Variants in ACLY observed in about 807,000 individuals in gnomAD.
ACLY encodes ATP-citrate synthase.
Under a neutral mutation model 133.0 loss-of-function variants are expected in ACLY, and 41 were observed. The observed-to-expected ratio is 0.31, with a 90% CI of 0.24 to 0.40. The LOEUF (loss-of-function observed/expected upper bound fraction) is 0.40, where lower values mean the gene tolerates loss of function less well. Ranked by LOEUF, ACLY falls within the 10% of genes least tolerant of loss-of-function variation. The pLI, the probability that ACLY is intolerant of heterozygous loss-of-function variation, is 1.00. For synonymous variants in ACLY, 495 were observed against 549.3 expected (o/e 0.90, Z 1.38); for missense variants, 1,046 against 1,453.8 (o/e 0.72, Z 4.56).
chr17:41,873,109 G>C (rs960839231), intron 23 of ACLY, among the ~76,000 whole-genome samples: 27 of 151,438 alleles, frequency 1.8e-4, no homozygotes, highest in Non-Finnish European at 3.5e-4. Flanking sequence ...GAGTTGCAGA[G>C]AAAACCAATT....
At chr17:41,922,370 CAAAAAAAAAAAA>C (rs1164362085), upstream of ACLY, among the ~76,000 whole-genome samples, 2 of 30,932 alleles carry the variant, frequency 6.5e-5, no homozygotes, top group African/African-American at 1.1e-4. Context: ...CAGAGCGAGA[CAAAAAAAAAAAA>C]AAAAAAAAAA....
In ACLY at chr17:41,885,059, G is replaced by C. The variant is rs8073046; in HGVS notation, c.2073-785C>G. On this transcript the variant is annotated intron_variant, in intron 18 of 28. Coordinates refer to ENST00000352035, the MANE Select transcript of ACLY (RefSeq NM_001096.3). The stretch of plus-strand genomic sequence containing the variant: ...TAATTTTTTTTTGGTAGAGATGGGG[G>C]TCTCTACCAAATTCGAGACTGTGTT... Among the ~76,000 whole-genome samples, 216 of 151,970 alleles carry C rather than the reference G, an allele frequency of 1.4e-3. 1 individual carries two copies. Among genetic ancestry groups the C allele is most frequent in the African/African-American group, 5.0e-3 (209 of 41,454 alleles).
intron 22 of ACLY, among the ~76,000 whole-genome samples, chr17:41,874,402 C>G (rs1327271162): frequency 6.6e-6 from 1 of 151,986 alleles, no homozygotes; most frequent in Admixed American, 6.6e-5. Flanking sequence ...CTCCCAGTAG[C>G]TGGGGCAACA....
Position 41,901,746 on chromosome 17 carries a change from C to T in ACLY, c.1133G>A (p.Arg378Gln), listed in dbSNP as rs1252881714. The T allele has an allele frequency of 6.2e-7, 1 of 1,610,210 alleles. No individual in the cohort carries two copies. ...LKEHEVTIFV[R>Q]RGGPNYQEGL... ...CTCCTGATAGTTGGGGCCACCTCTTCGGACAAAGATTGTGACTTCGTGCTC... is the reference window on the plus strand; with the variant it reads ...CTCCTGATAGTTGGGGCCACCTCTTTGGACAAAGATTGTGACTTCGTGCTC... Residue 378 changes from arginine (R) to glutamine (Q), a missense_variant, in exon 11 of 29, where the codon CGA (arginine) becomes CAA (glutamine). Transcript: ENST00000352035.
chr17:41,904,708 C>G (rs781927164), intron 10 of ACLY, 21 bp downstream of exon 10: 1 of 1,611,654 alleles, frequency 6.2e-7, no homozygotes, highest in Non-Finnish European at 8.5e-7. Context: ...CCAGAAACTG[C>G]ACCACTGTTG....
chr17:41,878,732 G>C, intron 21 of ACLY, 65 bp downstream of exon 21: 1 of 1,599,588 alleles, frequency 6.3e-7, no homozygotes, highest in Non-Finnish European at 8.5e-7. Flanking sequence ...TGTGGGAGAG[G>C]CTGCTGTCTC....
chr17:41,888,862 T>C (rs1253708914), intron 16 of ACLY, among the ~76,000 whole-genome samples: 6 of 152,170 alleles, frequency 3.9e-5, no homozygotes, highest in Non-Finnish European at 8.8e-5. Context: ...CTCACATCTA[T>C]AATCCCAGCA....
intron 4 of ACLY, among the ~76,000 whole-genome samples, 186 bp from the exon 5 acceptor site, chr17:41,909,886 A>T (rs112239422): frequency 5.5e-4 from 84 of 152,290 alleles, no homozygotes; most frequent in African/African-American, 1.9e-3. Context: ...CCCCGAGGAC[A>T]AGAGGAAGAA....
chr17:41,906,674 C>T lies in ACLY; in HGVS notation c.748-28G>A, dbSNP rs1555632750. 8 of 1,598,176 alleles carry T rather than the reference C, an allele frequency of 5.0e-6. No individual in the cohort carries two copies. The South Asian group carries it at 7.7e-5, about 15-fold the overall frequency. The stretch of plus-strand genomic sequence containing the variant: ...GGGGACCAGACAGCAACAGGTAGGC[C>T]CTTGGGGTACCCCCTTTACCAGGTC... On this transcript the variant is annotated intron_variant, in intron 7 of 28. Coordinates refer to ENST00000352035, the MANE Select transcript of ACLY (RefSeq NM_001096.3).
intron 20 of ACLY, 87 bp from the exon 21 acceptor site, chr17:41,879,011 G>C: frequency 6.5e-7 from 1 of 1,538,628 alleles, no homozygotes; most frequent in East Asian, 2.3e-5. Context: ...CACTTTACAT[G>C]AATCACTTCA....
At chr17:41,907,666 G>A in intron 6 of ACLY, 94 bp from the exon 7 acceptor site, 1 of 1,388,394 alleles carries the variant, frequency 7.2e-7, no homozygotes, top group Non-Finnish European at 1.0e-6. Flanking sequence ...TCCCATGGTG[G>A]CCCATTCAGG....
intron 25 of ACLY, among the ~76,000 whole-genome samples, chr17:41,870,119 C>T (rs1712761136): frequency 1.3e-5 from 2 of 152,248 alleles, no homozygotes; most frequent in South Asian, 4.1e-4. Flanking sequence ...TAGGGACATA[C>T]CAAATCGAAT....
intron 14 of ACLY, among the ~76,000 whole-genome samples, chr17:41,895,047 A>C (rs1390049317): frequency 2.0e-5 from 3 of 152,172 alleles, no homozygotes; most frequent in African/African-American, 7.2e-5. Context: ...CTGCTGAGAC[A>C]TGAGATCACA....
intron 1 of ACLY, among the ~76,000 whole-genome samples, chr17:41,915,572 A>G (rs2050029863): frequency 6.6e-6 from 1 of 152,094 alleles, no homozygotes; most frequent in South Asian, 2.1e-4. Context: ...CAATGGGTGT[A>G]TTCAGCCTGG....
rs989846604 is a variant in ACLY at position 41,910,111 on chromosome 17, C to A, written c.345+111G>T. 2.7e-6 allele frequency: 3 copies of A among 1,113,128 alleles called. No homozygotes were observed. The Admixed American group carries it at 7.1e-5, about 26-fold the overall frequency. The allele number at this position is 1,113,128 out of a possible 1,614,324, so 69.0% of individuals were successfully genotyped here. A position where few individuals can be genotyped will look rare whatever the true frequency, so the allele number is the denominator to read the frequency against. On this transcript the variant is annotated intron_variant, in intron 4 of 28. Transcript: ENST00000352035. Reference sequence around the variant, plus strand: ...AGATCCTCAGTGCAGCTTCAGGGACCCTGGTCCCTCTGACTGTCCTCATCA... The same window carrying A: ...AGATCCTCAGTGCAGCTTCAGGGACACTGGTCCCTCTGACTGTCCTCATCA...
At chr17:41,884,361 G>C in intron 18 of ACLY, 87 bp from the exon 19 acceptor site, 1 of 869,020 alleles carries the variant, frequency 1.2e-6, no homozygotes, top group Non-Finnish European at 1.9e-6. Flanking sequence ...CTTGTACTGG[G>C]TACACTGGAT....
At chr17:41,888,897 T>A (rs1295320026) in intron 16 of ACLY, among the ~76,000 whole-genome samples, 2 of 152,090 alleles carry the variant, frequency 1.3e-5, no homozygotes, top group African/African-American at 4.8e-5. Context: ...GGTGGGCAGA[T>A]CATTTGAGAT....
chr17:41,874,144 G>T (rs2048669385), intron 22 of ACLY, among the ~76,000 whole-genome samples, 179 bp from the exon 23 acceptor site: 1 of 152,238 alleles, frequency 6.6e-6, no homozygotes, highest in South Asian at 2.1e-4. Context: ...CCTTTCATTA[G>T]ATCATTTTGG....
Position 41,886,312 on chromosome 17 carries a change from TG to T in ACLY, c.1876-5del, listed in dbSNP as rs1567894010. ...ACCCAGGCTTGATGCCTCCAACCTG[TG>T]GGGGCAGAAACCACAATCAGGGAGG... On this transcript the variant is annotated splice_polypyrimidine_tract_variant and splice_region_variant and intron_variant, in intron 17 of 28. Coordinates refer to ENST00000352035, the MANE Select transcript of ACLY (RefSeq NM_001096.3). The T allele has an allele frequency of 6.3e-7, 1 of 1,598,510 alleles. No homozygotes were observed. The highest frequency in any genetic ancestry group is 8.6e-7 in the Non-Finnish European group (1 of 1,168,104).
Sources: gnomAD v4.1 joint callset for allele counts (sites outside exome capture counted in the v4.1 genomes callset) on GRCh38, gnomAD v4.1.1 for gene constraint, MANE v1.5 for transcripts, NCBI Gene and HGNC (gene_info 2026-07-23, HGNC 2026-07-21) for gene names.